The following RIPPLY1 variants were observed in gnomAD, a reference collection of about 807,000 sequenced individuals.
RIPPLY1 encodes ripply transcriptional repressor 1.
A neutral mutation model predicts 8.7 loss-of-function variants in RIPPLY1; 10 were observed. That is an observed-to-expected ratio of 1.15 (90% CI 0.71 to 1.94). The LOEUF is 1.94. RIPPLY1 is among the 30% of genes most tolerant of loss of function. The pLI is 0.00. For synonymous variants in RIPPLY1, 54 were observed against 44.8 expected, an observed-to-expected ratio of 1.20 and a Z score of -0.82; for missense variants, 118 against 108.7, an observed-to-expected ratio of 1.09 and a Z score of -0.38.
At chrX:106,903,031 C>T (rs1933127930) in intron 1 of RIPPLY1, 102 bp downstream of exon 1, 2 of 914,721 alleles carry the variant, frequency 2.2e-6, no homozygotes, top group Admixed American at 2.5e-5. Context: ...ATTGCTTTTC[C>T]CCTTCACAGA....
At position 106,902,123 on chromosome X, in the gene RIPPLY1, C is replaced by T. The variant is rs1310952747; in HGVS notation, c.231+17G>A. The stretch of plus-strand genomic sequence containing the variant: ...TGTGGCTGCATGTGAACACACGTCA[C>T]AAGGGCTCGAACTCACCAAATCCAC... On this transcript the variant is annotated intron_variant, in intron 2 of 3. Coordinates refer to ENST00000276173, the MANE Select transcript of RIPPLY1 (RefSeq NM_138382.3). 1.7e-6 allele frequency: 2 copies of T among 1,184,872 alleles called. No individual in the cohort carries two copies. Among genetic ancestry groups the T allele is most frequent in the South Asian group, 1.9e-5 (1 of 53,586 alleles).
At position 106,903,307 on chromosome X, in the gene RIPPLY1, G is replaced by A. The variant is rs1317228639; in HGVS notation, c.-20C>T. Reference sequence around the variant, plus strand: ...GTCCATTCTTAGGGGACCAAAGCCAGTGGGGTCTCCTACTTCCCAGAACCT... The same window carrying A: ...GTCCATTCTTAGGGGACCAAAGCCAATGGGGTCTCCTACTTCCCAGAACCT... On this transcript the variant is annotated 5_prime_UTR_variant, in exon 1 of 4. Coordinates refer to ENST00000276173, the MANE Select transcript of RIPPLY1 (RefSeq NM_138382.3). 2.4e-5 allele frequency: 28 copies of A among 1,179,708 alleles called. No individual in the cohort carries two copies. The Admixed American group carries it at 6.5e-4, about 28-fold the overall frequency.
intron 2 of RIPPLY1, 65 bp from the exon 3 acceptor site, chrX:106,901,603 T>C (rs1337899948): frequency 9.3e-7 from 1 of 1,075,822 alleles, no homozygotes; most frequent in Non-Finnish European, 1.3e-6. Context: ...TCCTCTGTAC[T>C]AGAGGTCAGA....
chrX:106,900,896 A>G lies in RIPPLY1; in HGVS notation c.309T>C (p.Pro103=), dbSNP rs376428909. 4 of 1,208,730 alleles carry G rather than the reference A, an allele frequency of 3.3e-6. No individual in the cohort carries two copies. The African/African-American group carries it at 7.0e-5, about 21-fold the overall frequency. ...ACAGATAGTCGAAGGAGCGGGATTT[A>G]GGCCAGAAGAGCCTGTGGACAGAGA... ...KFHHPVRLFW[P]KSRSFDYLYS... is the part of the protein sequence containing the mutation. The change falls in exon 4 of 4, where the codon CCT becomes CCC. Residue 103 remains proline, a synonymous_variant. Coordinates refer to ENST00000276173, the MANE Select transcript of RIPPLY1 (RefSeq NM_138382.3).
intron 3 of RIPPLY1, among the ~76,000 whole-genome samples, chrX:106,901,127 C>T (rs1475232139): frequency 8.9e-6 from 1 of 112,157 alleles, no homozygotes; most frequent in Non-Finnish European, 1.9e-5. Context: ...GTGGTTGGGT[C>T]GGGGGCCAGC....
chrX:106,900,938 A>G (rs1358533278), intron 3 of RIPPLY1, 30 bp from the exon 4 acceptor site: 2 of 1,199,263 alleles, frequency 1.7e-6, no homozygotes, highest in African/African-American at 3.5e-5. Context: ...ATGGCCCCTA[A>G]CAGGTGTCAT....
chrX:106,902,025 T>C, intron 2 of RIPPLY1, 115 bp downstream of exon 2: 1 of 550,088 alleles, frequency 1.8e-6, no homozygotes, highest in Non-Finnish European at 3.0e-6. Context: ...ACTGTGAGGA[T>C]GCTATCTCAG....
rs138630052 is a variant in RIPPLY1, at chrX:106,901,041, G to T, written c.297-133C>A. On this transcript the variant is annotated intron_variant, in intron 3 of 3. Coordinates refer to ENST00000276173, the MANE Select transcript of RIPPLY1 (RefSeq NM_138382.3). ...ATGAGGTCAGAGGGAAAGGAAGAAAGAAAGTTTTGTAACAGAACCTTCTGC... is the reference window on the plus strand; with the variant it reads ...ATGAGGTCAGAGGGAAAGGAAGAAATAAAGTTTTGTAACAGAACCTTCTGC... 3.0e-3 allele frequency: 3,055 copies of T among 1,030,227 alleles called. 59 individuals carry two copies. The African/African-American group carries it at 0.053, about 18-fold the overall frequency. The allele number at this position is 1,030,227 out of a possible 1,213,427, so 84.9% of individuals were successfully genotyped here.
chrX:106,900,786 T>A lies in RIPPLY1; in HGVS notation c.419A>T (p.Glu140Val), dbSNP rs1298152726. The A allele has an allele frequency of 8.3e-7, 1 of 1,209,207 alleles. No homozygotes were observed. Among genetic ancestry groups the A allele is most frequent in the African/African-American group, 1.7e-5 (1 of 57,186 alleles). ...TTCATCCTCCTGCTCTTCATCTTCC[T>A]CTTCTTCTTCGCTGTCTGAGTCCTC... Reference protein sequence around the residue: ...LYEDSDSEEEEEDEEQEDEEE... With the variant: ...LYEDSDSEEEVEDEEQEDEEE... The change falls in exon 4 of 4, where the codon GAG becomes GTG. Residue 140 changes from glutamate (E) to valine (V), a missense_variant. By Grantham distance (121) the Glu-to-Val change is moderately radical. Transcript: ENST00000276173.
chrX:106,902,058 C>T (rs1056812841), intron 2 of RIPPLY1, 82 bp downstream of exon 2: 12 of 823,298 alleles, frequency 1.5e-5, no homozygotes, highest in Non-Finnish European at 1.8e-5. Flanking sequence ...GGACTGAGGT[C>T]AGGGGCTCTC....
Position 106,900,905 on chromosome X carries a change from G to A in RIPPLY1, c.300C>T (p.Leu100=). 8.3e-7 allele frequency: 1 copy of A among 1,209,878 alleles called. No homozygotes were observed. The highest frequency in any genetic ancestry group is 1.1e-6 in the Non-Finnish European group (1 of 894,569). ...AESKFHHPVR[L]FWPKSRSFDY... ...CGAAGGAGCGGGATTTAGGCCAGAA[G>A]AGCCTGTGGACAGAGAAGAAACATG... The change falls in exon 4 of 4, where the codon CTC becomes CTT. Residue 100 remains leucine (L), a synonymous_variant. Transcript: ENST00000276173.
Position 106,900,912 on chromosome X carries a change from T to A in RIPPLY1, c.297-4A>T. The A allele has an allele frequency of 8.3e-7, 1 of 1,207,262 alleles. No homozygotes were observed. Among genetic ancestry groups the A allele is most frequent in the Non-Finnish European group, 1.1e-6 (1 of 893,503 alleles). On this transcript the variant is annotated splice_region_variant and splice_polypyrimidine_tract_variant and intron_variant, in intron 3 of 3. Transcript: ENST00000276173. ...GCGGGATTTAGGCCAGAAGAGCCTG[T>A]GGACAGAGAAGAAACATGGCCCCTA...
At position 106,900,442 on chromosome X, in the gene RIPPLY1, T is replaced by C. The variant is rs1012215733; in HGVS notation, c.*307A>G. On this transcript the variant is annotated 3_prime_UTR_variant, in exon 4 of 4. Coordinates refer to ENST00000276173, the MANE Select transcript of RIPPLY1 (RefSeq NM_138382.3). The stretch of plus-strand genomic sequence containing the variant: ...TTCTAGAGCTCCTAGAACCCTCCCA[T>C]GGTCAACACAACAGCAGCCCAGACA... 7 of 227,647 alleles carry C rather than the reference T, an allele frequency of 3.1e-5. No homozygotes were observed. Among genetic ancestry groups the C allele is most frequent in the Non-Finnish European group, 5.5e-5 (7 of 127,484 alleles). 18.8% of individuals were successfully genotyped at this position (227,647 alleles called of 1,213,427 possible). A position where few individuals can be genotyped will look rare whatever the true frequency, so the allele number is the denominator to read the frequency against.
chrX:106,900,668 G>C lies in RIPPLY1; in HGVS notation c.*81C>G, dbSNP rs922150854. 8.9e-7 allele frequency: 1 copy of C among 1,129,083 alleles called. No individual in the cohort carries two copies. Among genetic ancestry groups the C allele is most frequent in the Non-Finnish European group, 1.2e-6 (1 of 853,546 alleles). 93.0% of individuals were successfully genotyped at this position (1,129,083 alleles called of 1,213,427 possible). A position where few individuals can be genotyped will look rare whatever the true frequency, so the allele number is the denominator to read the frequency against. ...CTCCATTTGGATAGGTTAGGGGTGA[G>C]GAAGGGGGATGAGCTGTGGCGCTGT... On this transcript the variant is annotated 3_prime_UTR_variant, in exon 4 of 4. Transcript: ENST00000276173.
At chrX:106,902,566 G>A (rs2147786041) in intron 1 of RIPPLY1, among the ~76,000 whole-genome samples, 1 of 111,511 alleles carries the variant, frequency 9.0e-6, no homozygotes, top group East Asian at 2.8e-4. Context: ...GTAATGAGTG[G>A]GGGCTAGATG....
In RIPPLY1 at chrX:106,900,662, G is replaced by A. The variant is rs1933076060; in HGVS notation, c.*87C>T. 2.7e-6 allele frequency: 3 copies of A among 1,124,665 alleles called. No homozygotes were observed. Among genetic ancestry groups the A allele is most frequent in the Non-Finnish European group, 3.5e-6 (3 of 851,270 alleles). The allele number at this position is 1,124,665 out of a possible 1,213,427, so 92.7% of individuals were successfully genotyped here. A position where few individuals can be genotyped will look rare whatever the true frequency, so the allele number is the denominator to read the frequency against. On this transcript the variant is annotated 3_prime_UTR_variant, in exon 4 of 4. Coordinates refer to ENST00000276173, the MANE Select transcript of RIPPLY1 (RefSeq NM_138382.3). ...GGCTGCCTCCATTTGGATAGGTTAGGGGTGAGGAAGGGGGATGAGCTGTGG... is the reference window on the plus strand; with the variant it reads ...GGCTGCCTCCATTTGGATAGGTTAGAGGTGAGGAAGGGGGATGAGCTGTGG...
intron 2 of RIPPLY1, 150 bp from the exon 3 acceptor site, chrX:106,901,688 A>C: frequency 4.1e-6 from 2 of 491,037 alleles, no homozygotes; most frequent in Non-Finnish European, 6.8e-6. Context: ...CCCACCCCTC[A>C]ACAAGGGGTC....
In RIPPLY1 at chrX:106,900,728, T is replaced by C; in HGVS notation, c.*21A>G. On this transcript the variant is annotated 3_prime_UTR_variant, in exon 4 of 4. Transcript: ENST00000276173. The stretch of plus-strand genomic sequence containing the variant: ...ACCCTGGTACCCTCACACACCCTTC[T>C]GGCCCCTTTTCATTGGCCTCCTACT... 1 of 1,195,512 alleles carries C rather than the reference T, an allele frequency of 8.4e-7. No homozygotes were observed. Among genetic ancestry groups the C allele is most frequent in the Non-Finnish European group, 1.1e-6 (1 of 887,235 alleles).
chrX:106,902,043 C>A (rs1224325075), intron 2 of RIPPLY1, 97 bp downstream of exon 2: 2 of 681,838 alleles, frequency 2.9e-6, no homozygotes, highest in Non-Finnish European at 4.5e-6. Context: ...CAGATCTGCA[C>A]CTTTGGACTG....
Sources: allele counts gnomAD v4.1 joint callset (sites outside exome capture counted in the v4.1 genomes callset), GRCh38; gene constraint gnomAD v4.1.1; transcripts MANE v1.5; gene names NCBI Gene and HGNC (gene_info 2026-07-23, HGNC 2026-07-21).